The following PTPRM variants were observed in gnomAD, a reference collection of about 807,000 sequenced individuals.
The protein encoded by PTPRM is protein tyrosine phosphatase receptor type M, also known as receptor-type tyrosine-protein phosphatase mu.
In PTPRM, 47 loss-of-function variants were observed where a neutral mutation model predicts 186.7. The ratio of observed to expected loss-of-function variants is 0.25; its 90% CI spans 0.20 to 0.32. The LOEUF is 0.32. Among genes scored for constraint, PTPRM ranks in the 10% least tolerant of loss-of-function variants. The pLI is 1.00. For synonymous variants in PTPRM, 668 were observed against 674.9 expected, an observed-to-expected ratio of 0.99 and a Z score of 0.16; for missense variants, 1,494 against 1,865.0, an observed-to-expected ratio of 0.80 and a Z score of 3.66.
At chr18:8,047,797 A>G (rs2087168377) in intron 7 of PTPRM, among the ~76,000 whole-genome samples, 2 of 152,144 alleles carry the variant, frequency 1.3e-5, no homozygotes, top group African/African-American at 4.8e-5. Flanking sequence ...CACTCTCCTC[A>G]TGTTGGTGGA....
At chr18:8,177,327 A>G (rs2093500166) in intron 14 of PTPRM, among the ~76,000 whole-genome samples, 1 of 152,246 alleles carries the variant, frequency 6.6e-6, no homozygotes. Context: ...AAAACTTTAG[A>G]CAAATTAAAT....
intron 21 of PTPRM, among the ~76,000 whole-genome samples, chr18:8,316,806 G>T (rs908903948): frequency 6.6e-6 from 1 of 152,160 alleles, no homozygotes; most frequent in Admixed American, 6.5e-5. Flanking sequence ...ATTTTGAATC[G>T]AGTGGCTCAG....
chr18:8,261,272 C>T (rs988110553), intron 19 of PTPRM, among the ~76,000 whole-genome samples: 2 of 152,200 alleles, frequency 1.3e-5, no homozygotes, highest in African/African-American at 2.4e-5. Flanking sequence ...GAGGCACTGG[C>T]AGGCACTGTA....
At chr18:7,789,804 A>C (rs1044391954) in intron 2 of PTPRM, among the ~76,000 whole-genome samples, 3 of 152,170 alleles carry the variant, frequency 2.0e-5, no homozygotes, top group Admixed American at 2.0e-4. Flanking sequence ...TATTTTGTTC[A>C]TATACGGTTA....
rs150656242 is a variant in PTPRM, at chr18:7,944,846, C to G, written c.664-4335C>G. 8.1e-3 allele frequency among the ~76,000 whole-genome samples: 1,239 copies of G among 152,256 alleles called. 7 individuals are homozygous for G. Among genetic ancestry groups the G allele is most frequent in the South Asian group, 0.033 (157 of 4,822 alleles). On this transcript the variant is annotated intron_variant, in intron 5 of 32. Transcript: ENST00000580170. ...TGAAGCCTGGGCTTAAGCAGTGCTT[C>G]CTAGAAAGCTTGCACTGACAACATC...
intron 7 of PTPRM, among the ~76,000 whole-genome samples, chr18:7,985,721 T>C (rs894448021): frequency 4.0e-5 from 6 of 151,716 alleles, no homozygotes; most frequent in African/African-American, 1.2e-4. Flanking sequence ...CAATGCAGAA[T>C]AACCACATCT....
At chr18:7,670,326 G>C (rs953542287) in intron 1 of PTPRM, among the ~76,000 whole-genome samples, 6 of 151,976 alleles carry the variant, frequency 3.9e-5, no homozygotes, top group African/African-American at 1.2e-4. Context: ...AACATAAAAA[G>C]CTTATCTCTT....
intron 3 of PTPRM, among the ~76,000 whole-genome samples, chr18:7,890,640 G>T (rs1385372188): frequency 6.6e-6 from 1 of 152,008 alleles, no homozygotes; most frequent in East Asian, 1.9e-4. Context: ...ATTTAGATAT[G>T]CTTAAATCTA....
At chr18:8,338,880 C>T (rs1171343394) in intron 22 of PTPRM, among the ~76,000 whole-genome samples, 1 of 152,078 alleles carries the variant, frequency 6.6e-6, no homozygotes. Flanking sequence ...ATGTAGAAAA[C>T]ATAGTGTATA....
At chr18:7,676,406 G>A (rs897206983) in intron 1 of PTPRM, among the ~76,000 whole-genome samples, 10 of 152,106 alleles carry the variant, frequency 6.6e-5, no homozygotes, top group African/African-American at 9.7e-5. Context: ...CCTCCTGTCC[G>A]TCTTGTCCTT....
intron 13 of PTPRM, among the ~76,000 whole-genome samples, chr18:8,132,160 G>C (rs1219532408): frequency 6.6e-6 from 1 of 152,134 alleles, no homozygotes; most frequent in Non-Finnish European, 1.5e-5. Context: ...TCCTTACAGT[G>C]ATTTAATTTG....
At position 8,389,300 on chromosome 18, in the gene PTPRM, T is replaced by C. The variant is rs111465981; in HGVS notation, c.4208+2065T>C. 3.5e-3 allele frequency among the ~76,000 whole-genome samples: 537 copies of C among 152,254 alleles called. 2 individuals are homozygous for C. The highest frequency in any genetic ancestry group is 0.014 in the East Asian group (75 of 5,180). On this transcript the variant is annotated intron_variant, in intron 31 of 32. Transcript: ENST00000580170. ...GCTTTAACCCACAGGACTAAGTTACTAGTGACTCGAAGAAGTTGAGGCACC... is the reference window on the plus strand; with the variant it reads ...GCTTTAACCCACAGGACTAAGTTACCAGTGACTCGAAGAAGTTGAGGCACC...
intron 2 of PTPRM, among the ~76,000 whole-genome samples, chr18:7,809,856 A>C (rs1240272116): frequency 2.0e-5 from 3 of 152,192 alleles, no homozygotes; most frequent in Non-Finnish European, 2.9e-5. Flanking sequence ...GAGGATTAAA[A>C]AGGGTTGGGA....
chr18:8,144,015 C>T (rs1321966867), intron 14 of PTPRM, among the ~76,000 whole-genome samples: 1 of 152,200 alleles, frequency 6.6e-6, no homozygotes, highest in Admixed American at 6.5e-5. Context: ...AATAACCATC[C>T]TGTGTCTTCC....
At chr18:8,069,622 G>T in intron 7 of PTPRM, 64 bp from the exon 8 acceptor site, 4 of 1,401,470 alleles carry the variant, frequency 2.9e-6, no homozygotes, top group East Asian at 2.4e-5. Flanking sequence ...GTGACCTTTG[G>T]GATTGACCTG....
intron 22 of PTPRM, among the ~76,000 whole-genome samples, chr18:8,327,399 A>T (rs2095384102): frequency 6.6e-6 from 1 of 152,238 alleles, no homozygotes; most frequent in Admixed American, 6.5e-5. Context: ...GAAGAGGAAG[A>T]TGCCTTGGCA....
At chr18:8,192,674 A>G (rs1323450029) in intron 14 of PTPRM, among the ~76,000 whole-genome samples, 4 of 152,232 alleles carry the variant, frequency 2.6e-5, no homozygotes, top group Admixed American at 6.5e-5. Context: ...CTGTAATGCC[A>G]GGAAATAAAT....
intron 7 of PTPRM, among the ~76,000 whole-genome samples, chr18:8,040,323 A>C (rs1441253368): frequency 6.6e-6 from 1 of 152,158 alleles, no homozygotes; most frequent in Non-Finnish European, 1.5e-5. Context: ...GTGATTACCC[A>C]GGTCCAGGGG....
intron 13 of PTPRM, among the ~76,000 whole-genome samples, chr18:8,117,756 G>T (rs972339760): frequency 6.6e-6 from 1 of 152,094 alleles, no homozygotes; most frequent in African/African-American, 2.4e-5. Context: ...TGAGTTAAAA[G>T]ATAAAGACAC....
Sources: gnomAD v4.1 joint callset for allele counts (sites outside exome capture counted in the v4.1 genomes callset) on GRCh38, gnomAD v4.1.1 for gene constraint, MANE v1.5 for transcripts, NCBI Gene and HGNC (gene_info 2026-07-23, HGNC 2026-07-21) for gene names.